The following MAF variants were observed in gnomAD, a reference collection of about 807,000 sequenced individuals.
MAF encodes the protein transcription factor Maf.
A neutral mutation model predicts 22.0 loss-of-function variants in MAF; 10 were observed. The ratio of observed to expected loss-of-function variants is 0.45; its 90% CI spans 0.28 to 0.77. The LOEUF (loss-of-function observed/expected upper bound fraction) is 0.77. Ranked by LOEUF, MAF falls within the 30% of genes least tolerant of loss-of-function variation. The pLI is 0.12. For synonymous variants in MAF, 337 were observed against 255.8 expected (o/e 1.32, Z -3.03); for missense variants, 544 against 548.4 (o/e 0.99, Z 0.08).
At chr16:79,327,757 C>G in the MAF span, among the ~76,000 whole-genome samples, 3 of 152,166 alleles carry the variant, frequency 2.0e-5, no homozygotes, top group Non-Finnish European at 4.4e-5. Context: ...CTCTTTTAAT[C>G]TTCACAAGTC....
At chr16:79,558,203 C>T in the MAF span, among the ~76,000 whole-genome samples, 11 of 152,066 alleles carry the variant, frequency 7.2e-5, no homozygotes, top group East Asian at 1.9e-4. Context: ...TGGAAACAGC[C>T]GGAAAGAGTG....
At chr16:79,255,977 C>CTTTTTTTTTTTTTTT in the MAF span, among the ~76,000 whole-genome samples, 4 of 107,946 alleles carry the variant, frequency 3.7e-5, no homozygotes, top group Non-Finnish European at 7.8e-5. Context: ...TTTTTCTTTT[C>CTTTTTTTTTTTTTTT]TTTTCTTTTT....
the MAF span, among the ~76,000 whole-genome samples, chr16:79,453,962 A>T: frequency 6.6e-6 from 1 of 152,108 alleles, no homozygotes; most frequent in Non-Finnish European, 1.5e-5. Flanking sequence ...ATTATTATTA[A>T]TAATAATAAT....
chr16:79,401,210 G>C, the MAF span, among the ~76,000 whole-genome samples: 22 of 152,220 alleles, frequency 1.4e-4, no homozygotes, highest in African/African-American at 5.1e-4. Context: ...ATTTCTTTAA[G>C]CTAAGTGCAT....
chr16:79,574,025 A>G, the MAF span, among the ~76,000 whole-genome samples: 32 of 152,356 alleles, frequency 2.1e-4, no homozygotes, highest in African/African-American at 7.2e-4. Flanking sequence ...GACAGCTACT[A>G]TGTGCTACTC....
chr16:79,447,868 C>T, the MAF span, among the ~76,000 whole-genome samples: 7 of 109,940 alleles, frequency 6.4e-5, no homozygotes, highest in East Asian at 2.8e-4. Flanking sequence ...CTGTACTCTA[C>T]GAGACAGAGC....
the MAF span, among the ~76,000 whole-genome samples, chr16:79,277,460 G>T: frequency 6.6e-6 from 1 of 152,130 alleles, no homozygotes. Flanking sequence ...ATAAATTGTT[G>T]AATATCACCA....
the MAF span, among the ~76,000 whole-genome samples, chr16:79,290,887 C>A: frequency 2.8e-4 from 43 of 152,196 alleles, no homozygotes; most frequent in Non-Finnish European, 5.3e-4. Flanking sequence ...CAATCTCTAC[C>A]CCCAAAATGG....
chr16:79,350,606 G>C, the MAF span, among the ~76,000 whole-genome samples: 1 of 152,076 alleles, frequency 6.6e-6, no homozygotes, highest in Non-Finnish European at 1.5e-5. Flanking sequence ...AAAACCTCCC[G>C]CTGCTTTTCT....
At chr16:79,534,762 A>T in the MAF span, among the ~76,000 whole-genome samples, 1 of 152,184 alleles carries the variant, frequency 6.6e-6, no homozygotes, top group East Asian at 1.9e-4. Flanking sequence ...AAAGAAAAGA[A>T]AACTGTGACC....
the MAF span, among the ~76,000 whole-genome samples, chr16:79,552,366 C>A: frequency 6.6e-6 from 1 of 152,096 alleles, no homozygotes; most frequent in Non-Finnish European, 1.5e-5. Flanking sequence ...ACCACCACAT[C>A]CAGCTTAATT....
At chr16:79,340,929 T>A in the MAF span, among the ~76,000 whole-genome samples, 2 of 152,040 alleles carry the variant, frequency 1.3e-5, no homozygotes, top group African/African-American at 4.8e-5. Context: ...AGAAACAGGA[T>A]AGCAAGACAG....
chr16:79,428,096 T>TAAAA, the MAF span, among the ~76,000 whole-genome samples: 4,156 of 103,952 alleles, frequency 0.04, 130 homozygotes, highest in African/African-American at 0.067. Context: ...CGACTCAAAT[T>TAAAA]AAAAAAAAAA....
chr16:79,398,973 G>A, the MAF span, among the ~76,000 whole-genome samples: 3 of 152,226 alleles, frequency 2.0e-5, no homozygotes, highest in Non-Finnish European at 2.9e-5. Context: ...CTCCCTTACT[G>A]GACTGTGGGT....
At chr16:79,377,686 T>C in the MAF span, among the ~76,000 whole-genome samples, 4 of 152,222 alleles carry the variant, frequency 2.6e-5, no homozygotes, top group Non-Finnish European at 5.9e-5. Context: ...CTTTAATCCA[T>C]CTTGAATTAA....
At chr16:79,595,504 A>C in intron 1 of MAF, 1 of 1,059,378 alleles carries the variant, frequency 9.4e-7, no homozygotes, top group East Asian at 5.2e-5. Flanking sequence ...CTAACATTCT[A>C]TTGGTGTGCT....
the MAF span, among the ~76,000 whole-genome samples, chr16:79,391,831 T>C: frequency 7.0e-6 from 1 of 143,576 alleles, no homozygotes; most frequent in Non-Finnish European, 1.5e-5. Flanking sequence ...TAATGAGGCA[T>C]GGGAGAAAGT....
At chr16:79,510,240 G>T in the MAF span, among the ~76,000 whole-genome samples, 9 of 152,254 alleles carry the variant, frequency 5.9e-5, 1 homozygote, top group South Asian at 1.9e-3. Context: ...AATAAATATT[G>T]CCTATTTTTA....
downstream of MAF, among the ~76,000 whole-genome samples, chr16:79,582,271 G>A (rs1026577380): frequency 6.6e-6 from 1 of 152,210 alleles, no homozygotes; most frequent in African/African-American, 2.4e-5. Flanking sequence ...ATTGGCATCT[G>A]TGAACGGCGG....
Sources: gnomAD v4.1 joint callset for allele counts (sites outside exome capture counted in the v4.1 genomes callset) on GRCh38, gnomAD v4.1.1 for gene constraint, MANE v1.5 for transcripts, NCBI Gene and HGNC (gene_info 2026-07-23, HGNC 2026-07-21) for gene names.